The following ADGRL3 variants were observed in gnomAD, a reference collection of about 807,000 sequenced individuals.
ADGRL3 encodes calcium-independent alpha-latrotoxin receptor 3.
In ADGRL3, 62 loss-of-function variants were observed where a neutral mutation model predicts 153.5. That is an observed-to-expected ratio of 0.40 (90% confidence interval 0.33 to 0.50). The LOEUF is 0.50. Ranked by LOEUF, ADGRL3 falls within the 20% of genes least tolerant of loss-of-function variation. The probability of loss-of-function intolerance (pLI) is 0.47; values close to 1 mark genes in which losing one functional copy is unlikely to be tolerated. For synonymous variants in ADGRL3, 710 were observed against 672.5 expected, an observed-to-expected ratio of 1.06 and a Z score of -0.86; for missense variants, 1,641 against 1,859.4, an observed-to-expected ratio of 0.88 and a Z score of 2.16.
intron 9 of ADGRL3, among the ~76,000 whole-genome samples, chr4:61,839,830 G>A (rs1309602226): frequency 6.6e-6 from 1 of 151,604 alleles, no homozygotes; most frequent in Non-Finnish European, 1.5e-5. Flanking sequence ...CATAACTGCA[G>A]TCCCAGCCAC....
chr4:61,555,871 G>A (rs1322942664), intron 4 of ADGRL3, among the ~76,000 whole-genome samples: 1 of 152,216 alleles, frequency 6.6e-6, no homozygotes, highest in African/African-American at 2.4e-5. Context: ...GCGCTGGTGG[G>A]AGTGAAGCAG....
At chr4:61,378,492 G>C (rs1227820353) in intron 1 of ADGRL3, among the ~76,000 whole-genome samples, 1 of 151,994 alleles carries the variant, frequency 6.6e-6, no homozygotes, top group Non-Finnish European at 1.5e-5. Context: ...TGCAAAAACA[G>C]TTGAGCCTAA....
intron 4 of ADGRL3, among the ~76,000 whole-genome samples, chr4:61,559,995 T>C (rs1389499359): frequency 6.6e-6 from 1 of 152,054 alleles, no homozygotes; most frequent in Non-Finnish European, 1.5e-5. Flanking sequence ...CCCCCACATA[T>C]TCACATGAAA....
chr4:62,018,102 C>T (rs904128525), intron 21 of ADGRL3, among the ~76,000 whole-genome samples: 9 of 152,132 alleles, frequency 5.9e-5, no homozygotes, highest in Non-Finnish European at 5.9e-5. Flanking sequence ...AGTGCTGCAA[C>T]ATGTACTGCA....
At chr4:61,280,006 C>G (rs1448982855) in intron 1 of ADGRL3, among the ~76,000 whole-genome samples, 1 of 151,954 alleles carries the variant, frequency 6.6e-6, no homozygotes, top group Non-Finnish European at 1.5e-5. Context: ...TGTTGTGGTA[C>G]CTTCATCCCA....
intron 1 of ADGRL3, among the ~76,000 whole-genome samples, chr4:61,229,525 C>CTTT (rs5858680): frequency 2.7e-5 from 4 of 148,970 alleles, no homozygotes; most frequent in African/African-American, 4.9e-5. Context: ...GGAAGTACTG[C>CTTT]TTTTTTTTTT....
intron 1 of ADGRL3, among the ~76,000 whole-genome samples, chr4:61,282,544 T>C (rs776297253): frequency 6.6e-6 from 1 of 152,086 alleles, no homozygotes; most frequent in Non-Finnish European, 1.5e-5. Context: ...AGATTTATAA[T>C]GCTTTTGAAG....
intron 21 of ADGRL3, among the ~76,000 whole-genome samples, chr4:62,022,871 A>G (rs1425659908): frequency 6.6e-6 from 1 of 152,130 alleles, no homozygotes; most frequent in Non-Finnish European, 1.5e-5. Flanking sequence ...ATAGAGATAT[A>G]CAAGGAGATT....
intron 1 of ADGRL3, among the ~76,000 whole-genome samples, chr4:61,353,055 C>A (rs751624048): frequency 6.6e-6 from 1 of 152,084 alleles, no homozygotes; most frequent in Non-Finnish European, 1.5e-5. Flanking sequence ...GGCTCAGTTA[C>A]CGTATCTTAG....
At chr4:62,069,782 C>A (rs1744853233) in intron 26 of ADGRL3, among the ~76,000 whole-genome samples, 2 of 151,854 alleles carry the variant, frequency 1.3e-5, no homozygotes, top group African/African-American at 4.8e-5. Context: ...TTATTTTGTC[C>A]AAGTTATAAC....
chr4:61,542,821 C>T (rs2098696417), intron 4 of ADGRL3, among the ~76,000 whole-genome samples: 1 of 152,162 alleles, frequency 6.6e-6, no homozygotes, highest in Non-Finnish European at 1.5e-5. Context: ...CTCTTCAATA[C>T]ACTTTAATCC....
intron 5 of ADGRL3, among the ~76,000 whole-genome samples, chr4:61,601,857 T>C (rs771251439): frequency 6.6e-5 from 10 of 152,170 alleles, no homozygotes; most frequent in Non-Finnish European, 1.5e-4. Context: ...TTTAAGGTCT[T>C]TCAAACTACT....
intron 8 of ADGRL3, among the ~76,000 whole-genome samples, chr4:61,769,415 T>A (rs1312268721): frequency 6.6e-6 from 1 of 151,896 alleles, no homozygotes; most frequent in Non-Finnish European, 1.5e-5. Context: ...ATTGGTGAGA[T>A]GTTTCTTGGG....
chr4:61,540,394 C>CA (rs1432391083), intron 4 of ADGRL3, among the ~76,000 whole-genome samples: 1 of 151,864 alleles, frequency 6.6e-6, no homozygotes, highest in Non-Finnish European at 1.5e-5. Flanking sequence ...ACTAAAAATA[C>CA]AAAAATTAGC....
chr4:61,827,947 A>G (rs1197665558), intron 9 of ADGRL3, among the ~76,000 whole-genome samples: 1 of 152,220 alleles, frequency 6.6e-6, no homozygotes, highest in Non-Finnish European at 1.5e-5. Flanking sequence ...AGCCTTGTCT[A>G]AGTAATTGAA....
rs193139104 is a variant in ADGRL3 at position 61,966,093 on chromosome 4, T to C, written c.2806-13470T>C. 2.7e-3 allele frequency among the ~76,000 whole-genome samples: 412 copies of C among 152,280 alleles called. 1 individual carries two copies. Among genetic ancestry groups the C allele is most frequent in the Admixed American group, 6.4e-3 (98 of 15,290 alleles). On this transcript the variant is annotated intron_variant, in intron 17 of 26. Coordinates refer to ENST00000683033, the MANE Select transcript of ADGRL3 (RefSeq NM_001387552.1). ...GTAAAAAAGATAGTCTAATAAATATTCTTTTTTTCTGAAATTGCTATAGCT... is the reference window on the plus strand; with the variant it reads ...GTAAAAAAGATAGTCTAATAAATATCCTTTTTTTCTGAAATTGCTATAGCT...
intron 5 of ADGRL3, among the ~76,000 whole-genome samples, chr4:61,615,493 G>C (rs2091894861): frequency 6.6e-6 from 1 of 152,066 alleles, no homozygotes; most frequent in Admixed American, 6.6e-5. Flanking sequence ...TTTGAAATAT[G>C]AATAGGGATT....
intron 3 of ADGRL3, among the ~76,000 whole-genome samples, chr4:61,504,750 C>T (rs1193424896): frequency 6.6e-6 from 1 of 152,102 alleles, no homozygotes; most frequent in African/African-American, 2.4e-5. Context: ...TTACTGATAA[C>T]ATGCAATGTT....
chr4:61,600,697 T>C (rs887434277), intron 5 of ADGRL3, among the ~76,000 whole-genome samples: 1 of 152,234 alleles, frequency 6.6e-6, no homozygotes, highest in African/African-American at 2.4e-5. Context: ...TCCTCTATTA[T>C]TGAATCAGAG....
Sources: gnomAD v4.1 joint callset for allele counts (sites outside exome capture counted in the v4.1 genomes callset) on GRCh38, gnomAD v4.1.1 for gene constraint, MANE v1.5 for transcripts, NCBI Gene and HGNC (gene_info 2026-07-23, HGNC 2026-07-21) for gene names.